The following GGNBP2 variants were observed in gnomAD, a reference collection of about 807,000 sequenced individuals.
The protein encoded by GGNBP2 is gametogenetin binding protein 2.
GGNBP2 carries 10 observed loss-of-function variants against 85.9 expected under a neutral mutation model. The observed-to-expected ratio is 0.12, with a 90% confidence interval of 0.07 to 0.20. The LOEUF (loss-of-function observed/expected upper bound fraction) is 0.20. Ranked by LOEUF, GGNBP2 falls within the 10% of genes least tolerant of loss-of-function variation. GGNBP2 has a pLI of 1.00. For missense variants in GGNBP2, 595 were observed against 857.8 expected, an observed-to-expected ratio of 0.69 and a Z score of 3.83; for synonymous variants, 287 against 285.7, an observed-to-expected ratio of 1.00 and a Z score of -0.05.
chr17:36,566,263 C>T (rs1555605803), intron 5 of GGNBP2, among the ~76,000 whole-genome samples: 1 of 152,158 alleles, frequency 6.6e-6, no homozygotes, highest in East Asian at 1.9e-4. Flanking sequence ...AATGCAGGTC[C>T]AAGATAAATG....
At position 36,578,111 on chromosome 17, in the gene GGNBP2, G is replaced by A. The variant is rs750076611; in HGVS notation, c.770G>A (p.Arg257Gln). 8 of 1,614,122 alleles carry A rather than the reference G, an allele frequency of 5.0e-6. No individual in the cohort carries two copies. The highest frequency in any genetic ancestry group is 1.3e-5 in the African/African-American group (1 of 75,050). Residue 257 changes from arginine to glutamine, a missense_variant, in exon 7 of 14, where the codon CGA (arginine) becomes CAA (glutamine). This residue lies in a region of GGNBP2 where 92 missense variants were observed against 183.9 expected (regional missense o/e 0.50). Transcript: ENST00000613102. ...YEGLRCCPHE[R>Q]HIHVCCETDF... ...GGCTTGCGGTGCTGTCCACATGAAC[G>A]ACACATACATGTTTGCTGTGAAACA...
chr17:36,573,105 T>G (rs2074542813), intron 6 of GGNBP2, among the ~76,000 whole-genome samples: 1 of 152,108 alleles, frequency 6.6e-6, no homozygotes, highest in African/African-American at 2.4e-5. Flanking sequence ...TATGTGATAT[T>G]ATTCACTTTT....
chr17:36,562,147 T>A (rs1345239709), intron 5 of GGNBP2, among the ~76,000 whole-genome samples: 5 of 152,108 alleles, frequency 3.3e-5, no homozygotes, highest in Admixed American at 3.3e-4. Context: ...ATTAAAAAAC[T>A]ATACTTCTTT....
At chr17:36,581,840 A>G (rs757829092) in intron 9 of GGNBP2, 3 of 200,434 alleles carry the variant, frequency 1.5e-5, no homozygotes, top group Non-Finnish European at 3.0e-5. Flanking sequence ...CCCTGATGTA[A>G]AATGGTGTAA....
intron 6 of GGNBP2, chr17:36,575,103 C>G: frequency 3.8e-6 from 3 of 792,798 alleles, no homozygotes; most frequent in Non-Finnish European, 6.4e-6. Context: ...ACATACATCT[C>G]CTCCAGGGAC....
At chr17:36,589,106 GAA>G in intron 13 of GGNBP2, 100 bp from the exon 14 acceptor site, 1 of 775,098 alleles carries the variant, frequency 1.3e-6, no homozygotes, top group African/African-American at 1.7e-5. Flanking sequence ...TGACTGATGT[GAA>G]ACTAAAAAGT....
intron 2 of GGNBP2, among the ~76,000 whole-genome samples, chr17:36,548,262 G>A (rs1213804500): frequency 1.3e-5 from 2 of 152,162 alleles, no homozygotes. Flanking sequence ...TTTACCCTTA[G>A]TTAAACTGGC....
intron 5 of GGNBP2, among the ~76,000 whole-genome samples, chr17:36,565,836 C>G (rs938568824): frequency 6.6e-6 from 1 of 151,982 alleles, no homozygotes; most frequent in African/African-American, 2.4e-5. Flanking sequence ...GCGGAGGTTG[C>G]AGTGAGCCGA....
chr17:36,552,033 A>G (rs2074313934), intron 2 of GGNBP2, among the ~76,000 whole-genome samples: 1 of 152,200 alleles, frequency 6.6e-6, no homozygotes, highest in Non-Finnish European at 1.5e-5. Context: ...GATAGCTTTG[A>G]TCTTTAAACA....
intron 2 of GGNBP2, chr17:36,547,693 C>A (rs1005874301): frequency 2.6e-5 from 4 of 152,198 alleles, no homozygotes; most frequent in African/African-American, 9.7e-5. Flanking sequence ...TTGAATTTTG[C>A]TTTTATTGTA....
chr17:36,559,222 G>A (rs1323014670), intron 4 of GGNBP2, among the ~76,000 whole-genome samples: 3 of 150,894 alleles, frequency 2.0e-5, no homozygotes, highest in African/African-American at 7.3e-5. Flanking sequence ...GCTTGAACCC[G>A]GGAGGCGGAG....
chr17:36,585,719 A>C, intron 10 of GGNBP2, 121 bp from the exon 11 acceptor site: 1 of 822,042 alleles, frequency 1.2e-6, no homozygotes, highest in Non-Finnish European at 1.9e-6. Context: ...TTCATTGGAA[A>C]TGTTCTACTT....
In GGNBP2 at chr17:36,586,989, G is replaced by C; in HGVS notation, c.1642-8G>C. ...TTTTACCTGTGAAATCCTTTGCTGT[G>C]GTATCAGATCCAGAAGCTTGGAAGC... is the stretch of plus-strand genomic sequence containing the variant. On this transcript the variant is annotated splice_polypyrimidine_tract_variant and splice_region_variant and intron_variant, in intron 12 of 13. Coordinates refer to ENST00000613102, the MANE Select transcript of GGNBP2 (RefSeq NM_024835.5). The C allele has an allele frequency of 6.2e-7, 1 of 1,609,222 alleles. No homozygotes were observed. Among genetic ancestry groups the C allele is most frequent in the Non-Finnish European group, 8.5e-7 (1 of 1,177,132 alleles).
intron 5 of GGNBP2, among the ~76,000 whole-genome samples, chr17:36,566,239 C>T (rs1457013357): frequency 6.6e-6 from 1 of 152,204 alleles, no homozygotes; most frequent in African/African-American, 2.4e-5. Flanking sequence ...AGTGTAAACC[C>T]ACATTTCCCT....
At chr17:36,556,373 T>C (rs1000901602) in intron 3 of GGNBP2, among the ~76,000 whole-genome samples, 1 of 152,142 alleles carries the variant, frequency 6.6e-6, no homozygotes, top group African/African-American at 2.4e-5. Flanking sequence ...AACATAGTGA[T>C]AGTAAGTGTG....
At chr17:36,552,027 G>T (rs2074313847) in intron 2 of GGNBP2, among the ~76,000 whole-genome samples, 1 of 152,132 alleles carries the variant, frequency 6.6e-6, no homozygotes, top group African/African-American at 2.4e-5. Context: ...TAAATTGATA[G>T]CTTTGATCTT....
chr17:36,578,046 C>T lies in GGNBP2; in HGVS notation c.705C>T (p.Asp235=). ...RAYNILIGEL[D]CSKEKGYCAA... ...ACAATATCCTTATTGGTGAACTTGACTGCAGCAAAGAAAAGGGCTACTGTG... is the reference window on the plus strand; with the variant it reads ...ACAATATCCTTATTGGTGAACTTGATTGCAGCAAAGAAAAGGGCTACTGTG... The change falls in exon 7 of 14, where the codon GAC becomes GAT. Residue 235 remains aspartate, a synonymous_variant. Coordinates refer to ENST00000613102, the MANE Select transcript of GGNBP2 (RefSeq NM_024835.5). 1 of 1,614,180 alleles carries T rather than the reference C, an allele frequency of 6.2e-7. No homozygotes were observed. The highest frequency in any genetic ancestry group is 8.5e-7 in the Non-Finnish European group (1 of 1,180,010).
chr17:36,584,236 T>A (rs2074678435), intron 9 of GGNBP2, among the ~76,000 whole-genome samples: 1 of 152,222 alleles, frequency 6.6e-6, no homozygotes, highest in Non-Finnish European at 1.5e-5. Context: ...GTGAACTTGA[T>A]GTTCCAGGAA....
In GGNBP2 at chr17:36,585,467, T is replaced by C. The variant is rs765588720; in HGVS notation, c.1366+17T>C. Reference sequence around the variant, plus strand: ...TAAAGAAAGGTAAGTAAATAATTTCTTTTTAAAATGAACTCTTAACTCTAT... The same window carrying C: ...TAAAGAAAGGTAAGTAAATAATTTCCTTTTAAAATGAACTCTTAACTCTAT... On this transcript the variant is annotated intron_variant, in intron 10 of 13. Coordinates refer to ENST00000613102, the MANE Select transcript of GGNBP2 (RefSeq NM_024835.5). The C allele has an allele frequency of 2.6e-6, 4 of 1,543,726 alleles. No homozygotes were observed. The highest frequency in any genetic ancestry group is 4.5e-5 in the East Asian group (2 of 44,372).
Sources: gnomAD v4.1 joint callset for allele counts (sites outside exome capture counted in the v4.1 genomes callset) on GRCh38, gnomAD v4.1.1 for gene constraint, gnomAD v4.1.1 regional missense constraint, MANE v1.5 for transcripts, NCBI Gene and HGNC (gene_info 2026-07-23, HGNC 2026-07-21) for gene names.